LNX1: variants seen among roughly 807,000 people sequenced by gnomAD.
LNX1 encodes the protein E3 ubiquitin-protein ligase LNX.
LNX1 carries 54 observed loss-of-function variants against 68.4 expected under a neutral mutation model. The observed-to-expected ratio is 0.79, with a 90% CI of 0.63 to 0.99. LNX1 has a LOEUF of 0.99. Ranked by LOEUF, LNX1 falls within the 50% of genes least tolerant of loss-of-function variation. The probability of loss-of-function intolerance (pLI) is 0.00; values close to 1 mark genes in which losing one functional copy is unlikely to be tolerated. For synonymous variants in LNX1, 336 were observed against 350.0 expected, an observed-to-expected ratio of 0.96 and a Z score of 0.45; for missense variants, 906 against 926.4, an observed-to-expected ratio of 0.98 and a Z score of 0.29.
intron 2 of LNX1, among the ~76,000 whole-genome samples, chr4:53,615,868 T>C (rs1733661715): frequency 6.6e-6 from 1 of 152,092 alleles, no homozygotes; most frequent in Non-Finnish European, 1.5e-5. Context: ...GAGAATGGGG[T>C]ATCCATCCCC....
intron 1 of LNX1, among the ~76,000 whole-genome samples, chr4:53,628,263 A>T (rs1577810575): frequency 6.6e-6 from 1 of 152,214 alleles, no homozygotes; most frequent in East Asian, 1.9e-4. Flanking sequence ...AAGTATTAGT[A>T]TTCAGAATCT....
intron 2 of LNX1, among the ~76,000 whole-genome samples, chr4:53,607,853 AC>A (rs1733295436): frequency 6.6e-6 from 1 of 152,326 alleles, no homozygotes; most frequent in Admixed American, 6.5e-5. Context: ...GTCAACAAAA[AC>A]AAGCAATGGG....
intron 1 of LNX1, among the ~76,000 whole-genome samples, chr4:53,586,241 G>C (rs1451761557): frequency 2.0e-5 from 3 of 152,088 alleles, no homozygotes; most frequent in Non-Finnish European, 2.9e-5. Flanking sequence ...AAAACACATG[G>C]TGACTCATGT....
intron 2 of LNX1, among the ~76,000 whole-genome samples, chr4:53,536,683 G>A (rs536551595): frequency 6.6e-6 from 1 of 152,278 alleles, no homozygotes; most frequent in East Asian, 1.9e-4. Flanking sequence ...TCAAATGAAT[G>A]CTTTAAATGC....
chr4:53,558,176 G>A, intron 2 of LNX1: 1 of 1,357,764 alleles, frequency 7.4e-7, no homozygotes, highest in South Asian at 1.6e-5. Flanking sequence ...GAGGATGTAG[G>A]AACGCAAGGA....
intron 2 of LNX1, among the ~76,000 whole-genome samples, chr4:53,606,704 T>G (rs1260499173): frequency 6.6e-6 from 1 of 152,274 alleles, no homozygotes; most frequent in East Asian, 1.9e-4. Context: ...GCAAAAATCC[T>G]CAATAAAATA....
At chr4:53,631,473 T>A (rs933295744) in intron 1 of LNX1, among the ~76,000 whole-genome samples, 1 of 152,310 alleles carries the variant, frequency 6.6e-6, no homozygotes, top group Non-Finnish European at 1.5e-5. Flanking sequence ...CTATTATCCA[T>A]AGAGGCCTCT....
intron 2 of LNX1, among the ~76,000 whole-genome samples, chr4:53,613,969 T>G (rs1240910100): frequency 8.0e-6 from 1 of 125,342 alleles, no homozygotes; most frequent in Admixed American, 8.3e-5. Context: ...CTCACCAGCA[T>G]CTGTTATTTT....
rs116152434 is a variant in LNX1, at chr4:53,555,655, A to C, written c.380+17968T>G. 1.8e-3 allele frequency among the ~76,000 whole-genome samples: 270 copies of C among 152,266 alleles called. 1 individual carries two copies. The highest frequency in any genetic ancestry group is 6.3e-3 in the African/African-American group (263 of 41,558). On this transcript the variant is annotated intron_variant, in intron 2 of 10. Transcript: ENST00000263925. ...AGTACCTGAAATGTGTCACTAATTC[A>C]CTGATTAATTATCCCCAGTAGCATC...
chr4:53,593,481 G>T (rs1424222551), upstream of LNX1, among the ~76,000 whole-genome samples: 1 of 152,212 alleles, frequency 6.6e-6, no homozygotes, highest in Non-Finnish European at 1.5e-5. Context: ...ATCTACATAT[G>T]TGGTGTGATG....
intron 4 of LNX1, among the ~76,000 whole-genome samples, chr4:53,506,780 CA>C (rs2109512141): frequency 6.8e-6 from 1 of 146,460 alleles, no homozygotes; most frequent in Non-Finnish European, 1.5e-5. Context: ...TGCTTGAACC[CA>C]GGAGGCAGAG....
chr4:53,570,367 A>G lies in LNX1; in HGVS notation c.380+3256T>C, dbSNP rs1216141894. On this transcript the variant is annotated intron_variant, in intron 2 of 10. Transcript: ENST00000263925. ...TGATGAGTTCATGTCCTTTGTAGGGACATGGATGAAATTGGAAACCATCAT... is the reference window on the plus strand; with the variant it reads ...TGATGAGTTCATGTCCTTTGTAGGGGCATGGATGAAATTGGAAACCATCAT... 6.3e-4 allele frequency among the ~76,000 whole-genome samples: 95 copies of G among 149,738 alleles called. 1 individual carries two copies. Among genetic ancestry groups the G allele is most frequent in the Non-Finnish European group, 4.4e-5 (3 of 67,556 alleles).
chr4:53,597,471 G>T (rs1473702644), intron 2 of LNX1, among the ~76,000 whole-genome samples: 2 of 152,142 alleles, frequency 1.3e-5, no homozygotes, highest in East Asian at 1.9e-4. Context: ...TTTCCATAGA[G>T]AACTGGTTTT....
chr4:53,641,804 A>G (rs1734690410), intron 1 of LNX1, among the ~76,000 whole-genome samples: 1 of 152,206 alleles, frequency 6.6e-6, no homozygotes, highest in Non-Finnish European at 1.5e-5. Context: ...TGTCTGGCTT[A>G]CTTCACTTGG....
Position 53,519,947 on chromosome 4 carries a change from G to A in LNX1, c.381-11720C>T, listed in dbSNP as rs147709262. ...AAAACTGGTCAGTCCAAGGCAAACC[G>A]ATGTGCTGGTGCTCACCCTATAAGT... On this transcript the variant is annotated intron_variant, in intron 2 of 10. Transcript: ENST00000263925. Among the ~76,000 whole-genome samples, 577 of 152,338 alleles carry A rather than the reference G, an allele frequency of 3.8e-3. 1 individual carries two copies. Among genetic ancestry groups the A allele is most frequent in the African/African-American group, 0.013 (535 of 41,580 alleles).
intron 2 of LNX1, among the ~76,000 whole-genome samples, chr4:53,600,826 G>A (rs1435893822): frequency 2.0e-5 from 3 of 151,218 alleles, no homozygotes; most frequent in Non-Finnish European, 4.4e-5. Flanking sequence ...CAGCTCCTGG[G>A]TTCAAGCGAT....
chr4:53,567,561 C>T (rs1479524982), intron 2 of LNX1, among the ~76,000 whole-genome samples: 1 of 152,138 alleles, frequency 6.6e-6, no homozygotes, highest in Non-Finnish European at 1.5e-5. Flanking sequence ...CTAAAATTGA[C>T]ACCCTAACAT....
At chr4:53,563,002 C>T (rs575183586) in intron 2 of LNX1, among the ~76,000 whole-genome samples, 10 of 152,214 alleles carry the variant, frequency 6.6e-5, no homozygotes, top group South Asian at 2.1e-4. Flanking sequence ...GTCAGGAGAT[C>T]GAGACCATTC....
chr4:53,525,652 A>G (rs1330708436), intron 2 of LNX1, among the ~76,000 whole-genome samples: 1 of 152,238 alleles, frequency 6.6e-6, no homozygotes, highest in Non-Finnish European at 1.5e-5. Flanking sequence ...TGCAAAAACC[A>G]CAATTACTTT....
Sources: allele counts gnomAD v4.1 joint callset (sites outside exome capture counted in the v4.1 genomes callset), GRCh38; gene constraint gnomAD v4.1.1; transcripts MANE v1.5; gene names NCBI Gene and HGNC (gene_info 2026-07-23, HGNC 2026-07-21).